POLR2F: variants seen among roughly 807,000 people sequenced by gnomAD.
POLR2F encodes the protein DNA-directed RNA polymerases I, II, and III subunit RPABC2.
A neutral mutation model predicts 22.7 loss-of-function variants in POLR2F; 12 were observed. That is an observed-to-expected ratio of 0.53 (90% CI 0.34 to 0.86). POLR2F has a LOEUF of 0.86. POLR2F is among the 40% of genes least tolerant of loss of function. The pLI, the probability that POLR2F is intolerant of heterozygous loss-of-function variation, is 0.02. For synonymous variants in POLR2F, 57 were observed against 66.0 expected (o/e 0.86, Z 0.66); for missense variants, 126 against 171.5 (o/e 0.73, Z 1.48).
At chr22:37,963,564 A>C (rs1931734041) in intron 3 of POLR2F, among the ~76,000 whole-genome samples, 1 of 152,172 alleles carries the variant, frequency 6.6e-6, no homozygotes, top group South Asian at 2.1e-4. Flanking sequence ...CCACATTTCA[A>C]GTGTGTTCAG....
At chr22:37,957,054 G>A (rs1386167334) in intron 2 of POLR2F, among the ~76,000 whole-genome samples, 1 of 152,256 alleles carries the variant, frequency 6.6e-6, no homozygotes, top group Non-Finnish European at 1.5e-5. Flanking sequence ...TCCACAGCCT[G>A]TGGCTTCTGG....
downstream of POLR2F, chr22:37,973,247 G>A: frequency 2.1e-6 from 1 of 471,852 alleles, no homozygotes; most frequent in East Asian, 3.2e-5. Flanking sequence ...TCATCTTTCA[G>A]TGTGGGTGCA....
chr22:37,968,706 C>A lies in POLR2F; in HGVS notation c.*991C>A. 1 of 985,460 alleles carries A rather than the reference C, an allele frequency of 1.0e-6. No individual in the cohort carries two copies. The highest frequency in any genetic ancestry group is 1.2e-6 in the Non-Finnish European group (1 of 829,936). 61.0% of individuals were successfully genotyped at this position (985,460 alleles called of 1,614,324 possible). On this transcript the variant is annotated 3_prime_UTR_variant, in exon 5 of 5. Transcript: ENST00000442738. ...CAGGGATAGAGGGTAAACTGGCTCCCTGAATATGCCAGCCTTAACCTCCAT... is the reference window on the plus strand; with the variant it reads ...CAGGGATAGAGGGTAAACTGGCTCCATGAATATGCCAGCCTTAACCTCCAT...
Position 37,986,335 on chromosome 22 carries a change from AC to A in POLR2F, c.120+27del. On this transcript the variant is annotated intron_variant, in intron 1 of 2. Coordinates refer to the POLR2F transcript ENST00000333418. The surrounding 1 kb of genome is among the most constrained non-coding windows in gnomAD (Gnocchi z 4.7). ...CCGGTGGGTCCCCACTCATCCTTCC[AC>A]CCCTCAGTTCCTCCTCTTTGAGGAA... 1.3e-6 allele frequency: 2 copies of A among 1,524,230 alleles called. No individual in the cohort carries two copies. The highest frequency in any genetic ancestry group is 1.8e-6 in the Non-Finnish European group (2 of 1,140,598). 94.4% of individuals were successfully genotyped at this position (1,524,230 alleles called of 1,614,324 possible).
intron 1 of POLR2F, among the ~76,000 whole-genome samples, chr22:37,996,560 G>A (rs1333010342): frequency 2.0e-5 from 3 of 152,212 alleles, no homozygotes; most frequent in African/African-American, 4.8e-5. Context: ...GGGATGGAGC[G>A]AGAGGGAGAG....
intron 5 of POLR2F, chr22:38,040,627 C>T (rs1738926481): frequency 1.6e-5 from 3 of 193,260 alleles, no homozygotes; most frequent in Admixed American, 1.1e-4. Context: ...TTTCCTAGCA[C>T]CTAGCTCAGT....
chr22:37,994,549 C>G (rs1258026411), intron 1 of POLR2F, among the ~76,000 whole-genome samples: 1 of 152,096 alleles, frequency 6.6e-6, no homozygotes, highest in African/African-American at 2.4e-5. Flanking sequence ...GACGGAGTCT[C>G]TCTCTGTCGC....
chr22:37,995,534 G>C (rs1956278515), intron 1 of POLR2F, among the ~76,000 whole-genome samples: 1 of 152,152 alleles, frequency 6.6e-6, no homozygotes, highest in Non-Finnish European at 1.5e-5. Context: ...TGCAATTTAT[G>C]ATCACATATT....
chr22:37,986,210 C>T lies in POLR2F; in HGVS notation c.20C>T (p.Thr7Met), dbSNP rs749369440. The T allele has an allele frequency of 1.8e-4, 273 of 1,542,126 alleles. No individual in the cohort carries two copies. The highest frequency in any genetic ancestry group is 2.0e-4 in the Non-Finnish European group (233 of 1,147,554). Reference sequence around the variant, plus strand: ...GAGCCGCCCTGGATGGACAGAGGGACGAGGGACGAGCATCTGCCGTCGTGT... The same window carrying T: ...GAGCCGCCCTGGATGGACAGAGGGATGAGGGACGAGCATCTGCCGTCGTGT... The change falls in exon 1 of 3, where the codon ACG becomes ATG. Residue 7 changes from threonine (T) to methionine (M), a missense_variant. Coordinates refer to the POLR2F transcript ENST00000333418. This position sits in a 1 kb window ranked among gnomAD's most constrained non-coding sequence, Gnocchi z 4.7.
chr22:38,004,760 C>T (rs2084805660), intron 1 of POLR2F, among the ~76,000 whole-genome samples: 1 of 152,162 alleles, frequency 6.6e-6, no homozygotes. Flanking sequence ...GTCTGGCCAA[C>T]ATGGTGAAAC....
intron 2 of POLR2F, among the ~76,000 whole-genome samples, chr22:37,957,715 C>T (rs935086820): frequency 3.3e-5 from 5 of 152,170 alleles, no homozygotes; most frequent in Admixed American, 2.6e-4. Flanking sequence ...GCCCTGTCTG[C>T]ATTTTTCTAC....
rs188747373 is a variant in POLR2F at position 37,994,541 on chromosome 22, C to T, written c.120+8229C>T. On this transcript the variant is annotated intron_variant, in intron 1 of 2. Transcript: ENST00000333418. ...TTTATTTATTTATTTATTTTTGAGA[C>T]GGAGTCTCTCTCTGTCGCCCAGGCT... 1.4e-3 allele frequency among the ~76,000 whole-genome samples: 212 copies of T among 151,556 alleles called. 3 individuals carry two copies. The East Asian group carries it at 0.024, about 17-fold the overall frequency.
chr22:38,035,394 C>T (rs931473009), intron 5 of POLR2F, among the ~76,000 whole-genome samples: 39 of 152,214 alleles, frequency 2.6e-4, no homozygotes, highest in African/African-American at 9.4e-4. Flanking sequence ...CCTAACAGGC[C>T]AAGGGGCTGC....
downstream of POLR2F, among the ~76,000 whole-genome samples, chr22:38,027,804 A>G (rs1601915915): frequency 6.6e-6 from 1 of 152,144 alleles, no homozygotes; most frequent in Non-Finnish European, 1.5e-5. Flanking sequence ...GCGGGCTCAT[A>G]GGCAAGGACA....
At chr22:37,973,306 C>T, downstream of POLR2F, 1 of 568,796 alleles carries the variant, frequency 1.8e-6, no homozygotes, top group Non-Finnish European at 3.1e-6. Context: ...TGGGGCTTTG[C>T]TGCTGGAGCC....
rs879628847 is a variant in POLR2F at position 37,956,687 on chromosome 22, G to T, written c.21-86G>T. The T allele has an allele frequency of 7.5e-6, 8 of 1,070,222 alleles. No homozygotes were observed. In the South Asian group the frequency reaches 7.6e-5, roughly 10 times the overall value. 66.3% of individuals were successfully genotyped at this position (1,070,222 alleles called of 1,614,324 possible). A position where few individuals can be genotyped will look rare whatever the true frequency, so the allele number is the denominator to read the frequency against. On this transcript the variant is annotated intron_variant, in intron 1 of 4. Coordinates refer to ENST00000442738, the MANE Select transcript of POLR2F (RefSeq NM_021974.5). ...CCACTTCAATCTCCGAAAGTACCAG[G>T]ATTACAAGTGTGATCCACCGTGCCT...
intron 3 of POLR2F, 63 bp from the exon 4 acceptor site, chr22:37,967,036 C>T (rs1931879588): frequency 7.3e-6 from 9 of 1,241,244 alleles, no homozygotes. Context: ...TCCACCCTCA[C>T]TGCCTGTTGG....
intron 2 of POLR2F, among the ~76,000 whole-genome samples, chr22:37,957,803 G>T (rs1304994619): frequency 1.3e-5 from 2 of 152,034 alleles, no homozygotes; most frequent in African/African-American, 4.8e-5. Context: ...TGGTTTTCCT[G>T]CTTCAGTCTC....
chr22:37,970,187 G>C (rs1028992705), downstream of POLR2F, among the ~76,000 whole-genome samples: 1 of 151,672 alleles, frequency 6.6e-6, no homozygotes, highest in Non-Finnish European at 1.5e-5. Context: ...CCAGCTACTC[G>C]GGAGGCTGAG....
Sources: gnomAD v4.1 joint callset for allele counts (sites outside exome capture counted in the v4.1 genomes callset) on GRCh38, gnomAD v4.1.1 for gene constraint, Gnocchi (gnomAD v3.1) non-coding constraint, MANE v1.5 for transcripts, NCBI Gene and HGNC (gene_info 2026-07-23, HGNC 2026-07-21) for gene names.